COG5: variants seen among roughly 807,000 people sequenced by gnomAD.
COG5 encodes the protein component of oligomeric golgi complex 5.
Under a neutral mutation model 110.4 loss-of-function variants are expected in COG5, and 86 were observed. The ratio of observed to expected loss-of-function variants is 0.78; its 90% CI spans 0.65 to 0.93. The LOEUF (loss-of-function observed/expected upper bound fraction) is 0.93, where lower values mean the gene tolerates loss of function less well. Among genes scored for constraint, COG5 ranks in the 40% least tolerant of loss-of-function variants. COG5 has a pLI of 0.00. For synonymous variants in COG5, 360 were observed against 334.6 expected (o/e 1.08, Z -0.83); for missense variants, 1,077 against 987.0 (o/e 1.09, Z -1.22).
At chr7:107,507,813 G>A (rs979640237) in intron 6 of COG5, among the ~76,000 whole-genome samples, 1 of 152,114 alleles carries the variant, frequency 6.6e-6, no homozygotes, top group Non-Finnish European at 1.5e-5. Context: ...AACATCAGTG[G>A]ATGAAACAAG....
intron 6 of COG5, among the ~76,000 whole-genome samples, chr7:107,416,168 T>G (rs915051400): frequency 5.3e-5 from 8 of 151,798 alleles, no homozygotes; most frequent in Non-Finnish European, 1.2e-4. Context: ...AGAAATGTTG[T>G]CATATATGTG....
intron 6 of COG5, among the ~76,000 whole-genome samples, chr7:107,446,649 A>G (rs570861476): frequency 8.5e-5 from 13 of 152,196 alleles, no homozygotes; most frequent in African/African-American, 2.9e-4. Flanking sequence ...CCCCACTCAC[A>G]CTGGGAAGTC....
At chr7:107,387,557 C>T (rs553598235) in intron 7 of COG5, among the ~76,000 whole-genome samples, 1 of 152,324 alleles carries the variant, frequency 6.6e-6, no homozygotes, top group South Asian at 2.1e-4. Flanking sequence ...TGATGATGGC[C>T]ACTGTTCTCT....
intron 16 of COG5, among the ~76,000 whole-genome samples, chr7:107,249,692 G>GTGTC (rs879884673): frequency 0.13 from 2,290 of 17,394 alleles, 43 homozygotes; most frequent in African/African-American, 0.2. Context: ...GTACAGGATT[G>GTGTC]TGTGTGTGTG....
intron 7 of COG5, among the ~76,000 whole-genome samples, chr7:107,376,265 T>C (rs573619478): frequency 2.0e-5 from 3 of 152,048 alleles, no homozygotes; most frequent in Non-Finnish European, 4.4e-5. Context: ...TCTTGATATA[T>C]GACACTTCCA....
At chr7:107,518,714 G>C (rs924235851) in intron 6 of COG5, among the ~76,000 whole-genome samples, 1 of 152,144 alleles carries the variant, frequency 6.6e-6, no homozygotes, top group Non-Finnish European at 1.5e-5. Context: ...AATAGTGGGA[G>C]ACTTTAACAC....
intron 10 of COG5, among the ~76,000 whole-genome samples, chr7:107,342,858 CATT>C: frequency 6.6e-6 from 1 of 152,220 alleles, no homozygotes; most frequent in Admixed American, 6.5e-5. Context: ...CCAGCAATCC[CATT>C]ATTAGGTATA....
At position 107,210,534 on chromosome 7, in the gene COG5, G is replaced by C; in HGVS notation, c.2367C>G (p.Leu789=). 1 of 1,598,700 alleles carries C rather than the reference G, an allele frequency of 6.3e-7. No homozygotes were observed. The highest frequency in any genetic ancestry group is 1.3e-5 in the African/African-American group (1 of 74,964). The part of the protein sequence containing the change: ...DDHPSEKDRL[L]LIRGALEAYV... Reference sequence around the variant, plus strand: ...AGAGCACCTGGCTTTACCTGATGAGGAGGAGCCTGTCCTTTTCAGATGGAT... The same window carrying C: ...AGAGCACCTGGCTTTACCTGATGAGCAGGAGCCTGTCCTTTTCAGATGGAT... The change falls in exon 21 of 22, where the codon CTC becomes CTG. Residue 789 remains leucine (L), a synonymous_variant. Transcript: ENST00000297135.
intron 6 of COG5, among the ~76,000 whole-genome samples, chr7:107,481,130 GGGA>G (rs1386014133): frequency 6.6e-6 from 1 of 152,126 alleles, no homozygotes; most frequent in Non-Finnish European, 1.5e-5. Context: ...AGTAAGATAA[GGGA>G]GGTGAGCTAA....
chr7:107,516,166 T>G (rs1799908040), intron 6 of COG5, among the ~76,000 whole-genome samples: 1 of 152,212 alleles, frequency 6.6e-6, no homozygotes. Flanking sequence ...CTAAAATAAT[T>G]CTGCTTATTC....
chr7:107,469,025 AATTT>A (rs1796471298), intron 6 of COG5, among the ~76,000 whole-genome samples: 1 of 143,368 alleles, frequency 7.0e-6, no homozygotes, highest in African/African-American at 2.5e-5. Flanking sequence ...ATTTAAATTT[AATTT>A]AATTTAAAAT....
chr7:107,351,307 T>C (rs1468190192), intron 10 of COG5, among the ~76,000 whole-genome samples: 4 of 152,134 alleles, frequency 2.6e-5, no homozygotes, highest in Non-Finnish European at 4.4e-5. Context: ...CAAAAATTAA[T>C]TCAAGATGGA....
At chr7:107,210,963 T>C in intron 20 of COG5, 136 bp downstream of exon 20, 1 of 1,070,582 alleles carries the variant, frequency 9.3e-7, no homozygotes, top group Non-Finnish European at 1.4e-6. Context: ...CTAATATCTA[T>C]TCACTGTCAA....
At chr7:107,551,209 A>T (rs1802864862) in intron 3 of COG5, among the ~76,000 whole-genome samples, 1 of 151,918 alleles carries the variant, frequency 6.6e-6, no homozygotes, top group African/African-American at 2.4e-5. Context: ...CACCTGGCTA[A>T]TTTTTTGTAT....
intron 6 of COG5, among the ~76,000 whole-genome samples, chr7:107,498,590 G>A (rs185530115): frequency 2.6e-5 from 4 of 152,086 alleles, no homozygotes; most frequent in East Asian, 1.9e-4. Context: ...CCTCACATCC[G>A]TTAGAATGGT....
At chr7:107,498,727 T>C (rs1036436299) in intron 6 of COG5, among the ~76,000 whole-genome samples, 3 of 152,082 alleles carry the variant, frequency 2.0e-5, no homozygotes, top group South Asian at 2.1e-4. Flanking sequence ...CTATAGAAAA[T>C]AGTATGGTGA....
At position 107,415,838 on chromosome 7, in the gene COG5, G is replaced by A. The variant is rs201082382; in HGVS notation, c.539-3206C>T. 5.1e-4 allele frequency among the ~76,000 whole-genome samples: 42 copies of A among 82,692 alleles called. 2 individuals are homozygous for A. The highest frequency in any genetic ancestry group is 7.9e-4 in the Non-Finnish European group (30 of 38,078). The allele number at this position is 82,692 out of a possible 152,430, so 54.2% of individuals were successfully genotyped here. On this transcript the variant is annotated intron_variant, in intron 6 of 21. Coordinates refer to ENST00000297135, the MANE Select transcript of COG5 (RefSeq NM_006348.5). ...CACACATACACGTATGTATGTATGT[G>A]TGTGTATATATACACACACATACAC...
chr7:107,348,967 T>A (rs1293783338), intron 10 of COG5, among the ~76,000 whole-genome samples: 1 of 152,058 alleles, frequency 6.6e-6, no homozygotes, highest in Non-Finnish European at 1.5e-5. Flanking sequence ...GCTCAAGTGA[T>A]CCTCCCACTT....
chr7:107,556,199 C>T (rs1050546339), intron 2 of COG5, among the ~76,000 whole-genome samples: 2 of 152,142 alleles, frequency 1.3e-5, no homozygotes, highest in Non-Finnish European at 2.9e-5. Context: ...TTCCAGGCCT[C>T]TGTATTGCAT....
Sources: gnomAD v4.1 joint callset for allele counts (sites outside exome capture counted in the v4.1 genomes callset) on GRCh38, gnomAD v4.1.1 for gene constraint, MANE v1.5 for transcripts, NCBI Gene and HGNC (gene_info 2026-07-23, HGNC 2026-07-21) for gene names.